The following ERCC6 variants were observed in gnomAD, a reference collection of about 807,000 sequenced individuals.
The protein encoded by ERCC6 is ERCC excision repair 6, chromatin remodeling factor.
In ERCC6, 116 loss-of-function variants were observed where a neutral mutation model predicts 158.7. The observed-to-expected ratio is 0.73, with a 90% confidence interval of 0.63 to 0.85. ERCC6 has a LOEUF of 0.85. Ranked by LOEUF, ERCC6 falls within the 40% of genes least tolerant of loss-of-function variation. The probability of loss-of-function intolerance (pLI) is 0.00; values close to 1 mark genes in which losing one functional copy is unlikely to be tolerated. For synonymous variants in ERCC6, 678 were observed against 659.3 expected (o/e 1.03, Z -0.43); for missense variants, 1,698 against 1,799.4 (o/e 0.94, Z 1.02).
At chr10:49,526,115 T>TATATATATATATATATATATATATA (rs1564443868) in intron 4 of ERCC6, among the ~76,000 whole-genome samples, 5 of 105,438 alleles carry the variant, frequency 4.7e-5, no homozygotes, top group Admixed American at 1.0e-4. Flanking sequence ...ATTTATATAT[T>TATATATATATATATATATATATATA]TTTATATATA....
intron 4 of ERCC6, among the ~76,000 whole-genome samples, chr10:49,527,853 CACACACACAT>C (rs763080690): frequency 6.6e-6 from 1 of 152,198 alleles, no homozygotes; most frequent in Non-Finnish European, 1.5e-5. Flanking sequence ...TTTGTACACA[CACACACACAT>C]ACACACACAC....
chr10:49,484,404 C>T (rs945024961), intron 8 of ERCC6, among the ~76,000 whole-genome samples: 3 of 151,568 alleles, frequency 2.0e-5, no homozygotes, highest in Non-Finnish European at 2.9e-5. Flanking sequence ...AAGAAAAAGA[C>T]GCATCTGTAG....
At chr10:49,486,002 AC>A in intron 8 of ERCC6, among the ~76,000 whole-genome samples, 1 of 152,348 alleles carries the variant, frequency 6.6e-6, no homozygotes. Flanking sequence ...AGAAATGCCA[AC>A]CAAAAAAGGG....
intron 8 of ERCC6, among the ~76,000 whole-genome samples, chr10:49,489,933 C>T (rs1851143307): frequency 6.6e-6 from 1 of 152,034 alleles, no homozygotes; most frequent in African/African-American, 2.4e-5. Context: ...TGAGCCCTAG[C>T]AACATCAAAC....
At chr10:49,516,949 A>G in intron 5 of ERCC6, 1 of 1,614,114 alleles carries the variant, frequency 6.2e-7, no homozygotes, top group Non-Finnish European at 8.5e-7. Context: ...TGCAACAAAG[A>G]ACCTGGCAGA....
At position 49,478,427 on chromosome 10, in the gene ERCC6, A is replaced by G. The variant is rs1850916268; in HGVS notation, c.2213T>C (p.Ile738Thr). The G allele has an allele frequency of 6.2e-7, 1 of 1,613,918 alleles. No individual in the cohort carries two copies. The highest frequency in any genetic ancestry group is 1.3e-5 in the African/African-American group (1 of 74,930). Residue 738 changes from isoleucine to threonine, a missense_variant, in exon 11 of 21, where the codon ATA becomes ACA. Transcript: ENST00000355832. ...YKCACVLRDT[I>T]NPYLLRRMKS... ...CATTCTCCGCAGTAGGTATGGATTTATGGTATCTCGTAAGACACATGCACA... is the reference window on the plus strand; with the variant it reads ...CATTCTCCGCAGTAGGTATGGATTTGTGGTATCTCGTAAGACACATGCACA...
chr10:49,435,444 C>T, the ERCC6 span, among the ~76,000 whole-genome samples: 2 of 152,278 alleles, frequency 1.3e-5, no homozygotes, highest in South Asian at 4.1e-4. Flanking sequence ...CCTCAAGAAA[C>T]ACCAAAATAG....
intron 5 of ERCC6, among the ~76,000 whole-genome samples, chr10:49,509,609 C>T (rs1002534251): frequency 2.0e-5 from 3 of 152,120 alleles, no homozygotes; most frequent in African/African-American, 7.2e-5. Flanking sequence ...GTATGGCAGT[C>T]TTTTACATGA....
chr10:49,440,312 G>C, the ERCC6 span, among the ~76,000 whole-genome samples: 7 of 152,192 alleles, frequency 4.6e-5, no homozygotes, highest in African/African-American at 1.7e-4. Flanking sequence ...TGAGAAAGAA[G>C]CAAAAGCAGA....
chr10:49,509,465 T>C (rs1590445550), intron 5 of ERCC6, among the ~76,000 whole-genome samples: 1 of 152,190 alleles, frequency 6.6e-6, no homozygotes, highest in African/African-American at 2.4e-5. Context: ...GCTCATCAAA[T>C]GGATGCTCAG....
At chr10:49,538,666 G>C (rs1243588245) in intron 1 of ERCC6, among the ~76,000 whole-genome samples, 3 of 152,150 alleles carry the variant, frequency 2.0e-5, no homozygotes, top group African/African-American at 7.2e-5. Context: ...AGATCAAAAA[G>C]GACCCAGCTG....
intron 4 of ERCC6, among the ~76,000 whole-genome samples, chr10:49,526,239 G>A (rs1837337754): frequency 6.7e-6 from 1 of 149,586 alleles, no homozygotes; most frequent in Admixed American, 6.7e-5. Flanking sequence ...AACTGTGTCA[G>A]AAAGTTCCAA....
intron 5 of ERCC6, among the ~76,000 whole-genome samples, chr10:49,517,886 A>T (rs140927232): frequency 3.9e-4 from 59 of 152,326 alleles, no homozygotes; most frequent in Admixed American, 2.7e-3. Flanking sequence ...AGATGTTAAG[A>T]ACATTCTTAA....
At chr10:49,482,118 A>G (rs570945711) in intron 10 of ERCC6, among the ~76,000 whole-genome samples, 9 of 152,272 alleles carry the variant, frequency 5.9e-5, no homozygotes, top group African/African-American at 2.2e-4. Flanking sequence ...GGGTCTCTTC[A>G]CTGCGCCCTG....
intron 6 of ERCC6, 160 bp downstream of exon 6, chr10:49,505,724 C>CAGCA: frequency 1.3e-6 from 1 of 743,592 alleles, no homozygotes; most frequent in Non-Finnish European, 2.2e-6. Flanking sequence ...TTTTAATGAA[C>CAGCA]AGCACGTGGC....
At chr10:49,469,225 T>TA (rs1850729158) in intron 18 of ERCC6, among the ~76,000 whole-genome samples, 1 of 152,156 alleles carries the variant, frequency 6.6e-6, no homozygotes, top group South Asian at 2.1e-4. Context: ...ATTACAAAGG[T>TA]AAAAATATTA....
chr10:49,537,455 A>C (rs888658024), intron 1 of ERCC6, among the ~76,000 whole-genome samples: 3 of 151,900 alleles, frequency 2.0e-5, no homozygotes, highest in Non-Finnish European at 4.4e-5. Context: ...CAAAGAGCTT[A>C]GAGTCTCATG....
chr10:49,442,408 T>C, the ERCC6 span, among the ~76,000 whole-genome samples: 1 of 152,160 alleles, frequency 6.6e-6, no homozygotes, highest in Non-Finnish European at 1.5e-5. Context: ...TGGTGGCCAA[T>C]ATTGAGAAAC....
At chr10:49,490,351 A>C (rs550362821) in intron 8 of ERCC6, among the ~76,000 whole-genome samples, 2 of 122,570 alleles carry the variant, frequency 1.6e-5, no homozygotes, top group East Asian at 2.8e-4. Flanking sequence ...CAAATGAAAA[A>C]TTTTCCTTTT....
Sources: gnomAD v4.1 joint callset for allele counts (sites outside exome capture counted in the v4.1 genomes callset) on GRCh38, gnomAD v4.1.1 for gene constraint, MANE v1.5 for transcripts, NCBI Gene and HGNC (gene_info 2026-07-23, HGNC 2026-07-21) for gene names.